PNKD: variants seen among roughly 807,000 people sequenced by gnomAD.
PNKD encodes the protein probable thioesterase PNKD.
PNKD carries 36 observed loss-of-function variants against 45.3 expected under a neutral mutation model. That is an observed-to-expected ratio of 0.80 (90% confidence interval 0.61 to 1.05). The LOEUF (loss-of-function observed/expected upper bound fraction) is 1.05, where lower values mean the gene tolerates loss of function less well. Ranked by LOEUF, PNKD falls within the 50% of genes least tolerant of loss-of-function variation. The probability of loss-of-function intolerance (pLI) is 0.00; values close to 1 mark genes in which losing one functional copy is unlikely to be tolerated. For missense variants in PNKD, 511 were observed against 506.6 expected, an observed-to-expected ratio of 1.01 and a Z score of -0.08; for synonymous variants, 197 against 210.1, an observed-to-expected ratio of 0.94 and a Z score of 0.54.
intron 2 of PNKD, among the ~76,000 whole-genome samples, chr2:218,320,683 C>T (rs1228944208): frequency 6.6e-6 from 1 of 152,174 alleles, no homozygotes; most frequent in Non-Finnish European, 1.5e-5. Context: ...AGAGATCACA[C>T]CCAATTTGAG....
intron 2 of PNKD, among the ~76,000 whole-genome samples, chr2:218,315,020 C>CTTTA: frequency 5.2e-4 from 1 of 1,928 alleles, no homozygotes; most frequent in Non-Finnish European, 1.7e-3. Flanking sequence ...CTTTTTCTTT[C>CTTTA]TTTCTTTCTT....
At position 218,334,771 on chromosome 2, in the gene PNKD, T is replaced by G. The variant is rs374784111; in HGVS notation, c.237-5012T>G. 2,285 of 702,302 alleles carry G rather than the reference T, an allele frequency of 3.3e-3. 52 individuals are homozygous for G. The highest frequency in any genetic ancestry group is 0.032 in the South Asian group (2,162 of 67,350). 43.5% of individuals were successfully genotyped at this position (702,302 alleles called of 1,614,324 possible). ...TATATTGTTACTGGTGAGATTAACT[T>G]TGATCACTGGCTTAAGGTGGAGTTA... On this transcript the variant is annotated intron_variant, in intron 2 of 9. Coordinates refer to ENST00000273077, the MANE Select transcript of PNKD (RefSeq NM_015488.5).
At chr2:218,276,462 CTGG>C (rs1434620038) in intron 2 of PNKD, among the ~76,000 whole-genome samples, 2 of 152,176 alleles carry the variant, frequency 1.3e-5, no homozygotes, top group African/African-American at 4.8e-5. Context: ...CCCAACCCCT[CTGG>C]TGAGTATCAA....
At chr2:218,302,576 G>A (rs1693298114) in intron 2 of PNKD, among the ~76,000 whole-genome samples, 1 of 152,202 alleles carries the variant, frequency 6.6e-6, no homozygotes, top group South Asian at 2.1e-4. Flanking sequence ...GGAGAGTGGT[G>A]GGCACTGGGG....
chr2:218,324,563 C>T (rs2106276658), intron 2 of PNKD, among the ~76,000 whole-genome samples: 1 of 152,302 alleles, frequency 6.6e-6, no homozygotes, highest in African/African-American at 2.4e-5. Context: ...CTCTAATATC[C>T]TAAACCTTGG....
chr2:218,292,124 A>T (rs1692968375), intron 2 of PNKD, among the ~76,000 whole-genome samples: 1 of 152,178 alleles, frequency 6.6e-6, no homozygotes. Context: ...GGCATGGTGG[A>T]TAGGCCCTGC....
chr2:218,309,697 C>T (rs1016943533), intron 2 of PNKD, among the ~76,000 whole-genome samples: 1 of 151,498 alleles, frequency 6.6e-6, no homozygotes, highest in Non-Finnish European at 1.5e-5. Context: ...TTTGGGAGGC[C>T]GAGGTGGGAG....
At chr2:218,329,252 C>T (rs1450484063) in intron 2 of PNKD, among the ~76,000 whole-genome samples, 1 of 152,146 alleles carries the variant, frequency 6.6e-6, no homozygotes, top group African/African-American at 2.4e-5. Flanking sequence ...TGGAGCAGAC[C>T]CGGCTCCACT....
Position 218,345,193 on chromosome 2 carries a change from G to T in PNKD, c.*212G>T, listed in dbSNP as rs989494170. The stretch of plus-strand genomic sequence containing the variant: ...TGTTGGAGGCTGGGAACCCCGCAGC[G>T]CGAGGCTGCCTCATCAACGGCAAGA... On this transcript the variant is annotated 3_prime_UTR_variant, in exon 10 of 10. Transcript: ENST00000273077. 6.9e-6 allele frequency: 4 copies of T among 583,518 alleles called. No individual in the cohort carries two copies. Among genetic ancestry groups the T allele is most frequent in the African/African-American group, 1.9e-5 (1 of 53,722 alleles). 36.1% of individuals were successfully genotyped at this position (583,518 alleles called of 1,614,324 possible).
Position 218,270,618 on chromosome 2 carries a change from C to T in PNKD, c.67+16C>T. ...GTCCTCCGGGGTAAGGAGAGGGACC[C>T]CGGGGAGGGCAGGACTGCAGAAGAT... On this transcript the variant is annotated intron_variant, in intron 1 of 9. Coordinates refer to ENST00000273077, the MANE Select transcript of PNKD (RefSeq NM_015488.5). 2 of 836,720 alleles carry T rather than the reference C, an allele frequency of 2.4e-6. No homozygotes were observed. The highest frequency in any genetic ancestry group is 1.7e-6 in the Non-Finnish European group (1 of 601,962). The allele number at this position is 836,720 out of a possible 1,614,324, so 51.8% of individuals were successfully genotyped here. A position where few individuals can be genotyped will look rare whatever the true frequency, so the allele number is the denominator to read the frequency against.
chr2:218,292,114 G>A (rs955069150), intron 2 of PNKD, among the ~76,000 whole-genome samples: 1 of 152,204 alleles, frequency 6.6e-6, no homozygotes, highest in East Asian at 1.9e-4. Flanking sequence ...CACTCGGGCT[G>A]GCATGGTGGA....
chr2:218,273,094 G>A (rs780848585), intron 2 of PNKD: 11 of 478,214 alleles, frequency 2.3e-5, no homozygotes, highest in East Asian at 5.5e-5. Flanking sequence ...CCTAGGCCCC[G>A]GGCCCTCGGG....
intron 2 of PNKD, among the ~76,000 whole-genome samples, chr2:218,293,538 T>C (rs1482628301): frequency 6.6e-6 from 1 of 151,924 alleles, no homozygotes; most frequent in Non-Finnish European, 1.5e-5. Context: ...GCTTATCTCA[T>C]GTTAATAGCT....
rs563005414 is a variant in PNKD at position 218,272,885 on chromosome 2, C to T, written c.236+1336C>T. 126 of 1,581,558 alleles carry T rather than the reference C, an allele frequency of 8.0e-5. 1 individual carries two copies. In the South Asian group the frequency reaches 1.2e-3, roughly 15 times the overall value. ...GCCCAGGCTGTTGCCAAACCCTACC[C>T]TGCCCCACACCAAGGAGCCAGCCAA... On this transcript the variant is annotated intron_variant, in intron 2 of 9. Transcript: ENST00000273077.
intron 2 of PNKD, among the ~76,000 whole-genome samples, 199 bp from the exon 3 acceptor site, chr2:218,339,584 T>A (rs1021090064): frequency 6.6e-6 from 1 of 152,150 alleles, no homozygotes. Flanking sequence ...TTTTGAGTTC[T>A]AGGTGTGTCC....
chr2:218,307,889 G>A (rs1420909640), intron 2 of PNKD, among the ~76,000 whole-genome samples: 1 of 152,148 alleles, frequency 6.6e-6, no homozygotes, highest in Non-Finnish European at 1.5e-5. Flanking sequence ...CAGAGGTTCA[G>A]TGATAAGGGC....
At chr2:218,323,463 C>G (rs1233233018) in intron 2 of PNKD, 1 of 1,112,792 alleles carries the variant, frequency 9.0e-7, no homozygotes, top group Non-Finnish European at 1.1e-6. Flanking sequence ...CGTGCGGGCT[C>G]GGGAGGCGGG....
chr2:218,294,624 T>G (rs1693099604), intron 2 of PNKD, among the ~76,000 whole-genome samples: 1 of 152,192 alleles, frequency 6.6e-6, no homozygotes, highest in African/African-American at 2.4e-5. Flanking sequence ...ACTACACACA[T>G]GCACCACCAC....
At position 218,339,839 on chromosome 2, in the gene PNKD, G is replaced by A. The variant is rs201495280; in HGVS notation, c.293G>A (p.Arg98His). The change falls in exon 3 of 10, where the codon CGC (arginine) becomes CAC (histidine). Residue 98 changes from arginine to histidine, a missense_variant. Physicochemically the swap from Arg to His is conservative, Grantham distance 29 (BLOSUM62 0). Coordinates refer to ENST00000273077, the MANE Select transcript of PNKD (RefSeq NM_015488.5). ...TACCTCTTCTACCGACAGCAGCTGCGCAGGGCTCGGAATCGCTACCCTAAA... is the reference window on the plus strand; with the variant it reads ...TACCTCTTCTACCGACAGCAGCTGCACAGGGCTCGGAATCGCTACCCTAAA... ...LGYLFYRQQL[R>H]RARNRYPKGH... 14 of 1,613,348 alleles carry A rather than the reference G, an allele frequency of 8.7e-6. No homozygotes were observed. Among genetic ancestry groups the A allele is most frequent in the African/African-American group, 5.3e-5 (4 of 74,776 alleles).
Sources: gnomAD v4.1 joint callset for allele counts (sites outside exome capture counted in the v4.1 genomes callset) on GRCh38, gnomAD v4.1.1 for gene constraint, MANE v1.5 for transcripts, NCBI Gene and HGNC (gene_info 2026-07-23, HGNC 2026-07-21) for gene names.